The following TRDN variants were observed in gnomAD, a reference collection of about 807,000 sequenced individuals.
TRDN encodes the protein triadin in skeletal muscle.
Under a neutral mutation model 149.7 loss-of-function variants are expected in TRDN, and 161 were observed. The ratio of observed to expected loss-of-function variants is 1.08; its 90% confidence interval spans 0.95 to 1.23. The LOEUF (loss-of-function observed/expected upper bound fraction) is 1.23, where lower values mean the gene tolerates loss of function less well. Among genes scored for constraint, TRDN ranks in the 50% most tolerant of loss-of-function variants. The pLI is 0.00. For missense variants in TRDN, 896 were observed against 823.5 expected, an observed-to-expected ratio of 1.09 and a Z score of -1.08; for synonymous variants, 294 against 250.5, an observed-to-expected ratio of 1.17 and a Z score of -1.64.
At chr6:123,274,710 A>G in intron 26 of TRDN, 40 bp from the exon 27 acceptor site, 1 of 1,530,928 alleles carries the variant, frequency 6.5e-7, no homozygotes, top group Non-Finnish European at 9.0e-7. Context: ...AACCTGAAAA[A>G]ATAAACTAGA....
At chr6:123,363,345 T>C (rs972253216) in intron 20 of TRDN, among the ~76,000 whole-genome samples, 1 of 152,026 alleles carries the variant, frequency 6.6e-6, no homozygotes, top group Non-Finnish European at 1.5e-5. Flanking sequence ...CAGTGAGAGG[T>C]AGGAGATGAA....
In TRDN at chr6:123,377,931, C is replaced by T. The variant is rs765001538; in HGVS notation, c.1187-33G>A. 11 of 1,368,904 alleles carry T rather than the reference C, an allele frequency of 8.0e-6. No individual in the cohort carries two copies. The South Asian group carries it at 8.2e-5, about 10-fold the overall frequency. The allele number at this position is 1,368,904 out of a possible 1,614,324, so 84.8% of individuals were successfully genotyped here. A position where few individuals can be genotyped will look rare whatever the true frequency, so the allele number is the denominator to read the frequency against. Reference sequence around the variant, plus strand: ...ATATTATTATTGTTATTATTATTATCGTTATTATTCTAAAGTTTATGAATC... The same window carrying T: ...ATATTATTATTGTTATTATTATTATTGTTATTATTCTAAAGTTTATGAATC... On this transcript the variant is annotated intron_variant, in intron 16 of 40. Coordinates refer to ENST00000334268, the MANE Select transcript of TRDN (RefSeq NM_006073.4).
At chr6:123,401,152 T>C (rs1217502516) in intron 12 of TRDN, among the ~76,000 whole-genome samples, 1 of 152,246 alleles carries the variant, frequency 6.6e-6, no homozygotes, top group East Asian at 1.9e-4. Context: ...AGCCCTTTTT[T>C]TCCTCTACAG....
intron 21 of TRDN, chr6:123,349,982 A>C: frequency 1.0e-6 from 1 of 985,392 alleles, no homozygotes; most frequent in Non-Finnish European, 1.2e-6. Flanking sequence ...GAAACTCTTC[A>C]AGTGGACACA....
chr6:123,427,242 G>A (rs1674854841), intron 12 of TRDN, among the ~76,000 whole-genome samples: 1 of 150,670 alleles, frequency 6.6e-6, no homozygotes. Context: ...ATTTACTATG[G>A]CCTCACTTCC....
chr6:123,542,179 A>G (rs1780868119), intron 4 of TRDN, among the ~76,000 whole-genome samples: 1 of 152,234 alleles, frequency 6.6e-6, no homozygotes, highest in Admixed American at 6.5e-5. Context: ...TTCCTCTGCC[A>G]TTGACATGCA....
At chr6:123,489,226 A>G (rs1282000509) in intron 9 of TRDN, among the ~76,000 whole-genome samples, 1 of 152,084 alleles carries the variant, frequency 6.6e-6, no homozygotes, top group Admixed American at 6.6e-5. Context: ...AAGAGAAAGC[A>G]AAAAAGGGAT....
At chr6:123,517,840 G>C (rs535001659) in intron 5 of TRDN, among the ~76,000 whole-genome samples, 1 of 151,902 alleles carries the variant, frequency 6.6e-6, no homozygotes, top group African/African-American at 2.4e-5. Context: ...TTCACCAATT[G>C]CACCATGTAC....
chr6:123,619,137 G>A (rs565916867), intron 1 of TRDN, among the ~76,000 whole-genome samples: 1 of 152,228 alleles, frequency 6.6e-6, no homozygotes, highest in South Asian at 2.1e-4. Flanking sequence ...TAGAAGTGAG[G>A]AGATTACAAA....
At chr6:123,277,547 A>G (rs1056199206) in intron 26 of TRDN, among the ~76,000 whole-genome samples, 21 of 152,246 alleles carry the variant, frequency 1.4e-4, no homozygotes, top group Middle Eastern at 6.8e-3. Context: ...TGGTGTACTT[A>G]TTAGAGGAGA....
intron 10 of TRDN, among the ~76,000 whole-genome samples, chr6:123,443,226 T>C (rs1014100126): frequency 6.7e-6 from 1 of 148,748 alleles, no homozygotes; most frequent in South Asian, 2.1e-4. Context: ...AATATATATA[T>C]ACATATACAT....
intron 24 of TRDN, among the ~76,000 whole-genome samples, chr6:123,305,048 A>G (rs1331997849): frequency 6.6e-6 from 1 of 152,214 alleles, no homozygotes; most frequent in Non-Finnish European, 1.5e-5. Flanking sequence ...CAAAAGTCCA[A>G]TAAAATCTGC....
chr6:123,599,787 A>C (rs773159588), intron 1 of TRDN, among the ~76,000 whole-genome samples: 2 of 151,852 alleles, frequency 1.3e-5, no homozygotes, highest in Non-Finnish European at 2.9e-5. Context: ...ACACAAATAA[A>C]ACTCTAGACA....
intron 33 of TRDN, among the ~76,000 whole-genome samples, chr6:123,261,303 C>G (rs1382279502): frequency 6.6e-6 from 1 of 151,732 alleles, no homozygotes; most frequent in African/African-American, 2.4e-5. Context: ...AAGATGCTGT[C>G]AGAAATGCAA....
chr6:123,273,350 T>C lies in TRDN; in HGVS notation c.1611A>G (p.Lys537=), dbSNP rs1312107504. ...KKEAKPAISE[K]VQIHKQDIVK... is the part of the protein sequence containing the mutation. ...ATTAATACATACTGTGTATTTGCAC[T>C]TTTTCAGATATAGCTAAAATAAATA... The change falls in exon 28 of 41, where the codon AAA becomes AAG. Residue 537 remains lysine, a synonymous_variant. Coordinates refer to ENST00000334268, the MANE Select transcript of TRDN (RefSeq NM_006073.4). 4 of 1,035,688 alleles carry C rather than the reference T, an allele frequency of 3.9e-6. No individual in the cohort carries two copies. The highest frequency in any genetic ancestry group is 1.7e-5 in the South Asian group (1 of 58,280). 64.2% of individuals were successfully genotyped at this position (1,035,688 alleles called of 1,614,324 possible). A position where few individuals can be genotyped will look rare whatever the true frequency, so the allele number is the denominator to read the frequency against.
At position 123,337,735 on chromosome 6, in the gene TRDN, T is replaced by G. The variant is rs1348691832; in HGVS notation, c.1370-66A>C. 4.2e-6 allele frequency: 4 copies of G among 956,346 alleles called. No homozygotes were observed. The African/African-American group carries it at 6.8e-5, about 16-fold the overall frequency. The allele number at this position is 956,346 out of a possible 1,614,324, so 59.2% of individuals were successfully genotyped here. ...AGAGAGGAAAAAAATGCAAGTCTCT[T>G]CATGTGTTTTGTATACTGAGGCTTA... is the stretch of plus-strand genomic sequence containing the variant. On this transcript the variant is annotated intron_variant, in intron 21 of 40. Coordinates refer to ENST00000334268, the MANE Select transcript of TRDN (RefSeq NM_006073.4).
chr6:123,473,444 T>G (rs962761172), intron 9 of TRDN, among the ~76,000 whole-genome samples: 9 of 151,602 alleles, frequency 5.9e-5, no homozygotes, highest in Non-Finnish European at 1.3e-4. Flanking sequence ...TGGGACTATG[T>G]GAAAAGACCA....
chr6:123,447,649 T>C (rs1775468623), intron 10 of TRDN, among the ~76,000 whole-genome samples: 2 of 152,108 alleles, frequency 1.3e-5, no homozygotes, highest in Admixed American at 6.5e-5. Context: ...GAAATAAATG[T>C]TGTAAAGGAC....
chr6:123,517,508 A>G (rs1779470088), intron 5 of TRDN, among the ~76,000 whole-genome samples: 1 of 152,142 alleles, frequency 6.6e-6, no homozygotes, highest in Non-Finnish European at 1.5e-5. Context: ...TCTGTCACAT[A>G]GTGGGTGCTA....
Sources: allele counts gnomAD v4.1 joint callset (sites outside exome capture counted in the v4.1 genomes callset), GRCh38; gene constraint gnomAD v4.1.1; transcripts MANE v1.5; gene names NCBI Gene and HGNC (gene_info 2026-07-23, HGNC 2026-07-21).